MBNL1: variants seen among roughly 807,000 people sequenced by gnomAD.
MBNL1 encodes muscleblind-like protein 1.
In MBNL1, 8 loss-of-function variants were observed where a neutral mutation model predicts 42.2. The observed-to-expected ratio is 0.19, with a 90% CI of 0.11 to 0.34. The LOEUF (loss-of-function observed/expected upper bound fraction) is 0.34. Among genes scored for constraint, MBNL1 ranks in the 10% least tolerant of loss-of-function variants. The pLI is 1.00. For missense variants in MBNL1, 309 were observed against 495.3 expected (o/e 0.62, Z 3.57); for synonymous variants, 169 against 173.9 (o/e 0.97, Z 0.22).
chr3:152,297,654 A>G (rs1229800895), intron 1 of MBNL1, among the ~76,000 whole-genome samples: 3 of 151,592 alleles, frequency 2.0e-5, no homozygotes, highest in Admixed American at 2.0e-4. Context: ...GTGCCCAGCC[A>G]TGGGTTTTTT....
intron 2 of MBNL1, chr3:152,340,561 A>T (rs753198183): frequency 1.2e-5 from 20 of 1,613,158 alleles, no homozygotes; most frequent in Non-Finnish European, 1.6e-5. Flanking sequence ...AGACATAGCT[A>T]CAACTGACAG....
At chr3:152,254,630 C>T (rs537169651) in intron 2 of MBNL1, among the ~76,000 whole-genome samples, 2 of 152,024 alleles carry the variant, frequency 1.3e-5, no homozygotes, top group Non-Finnish European at 1.5e-5. Context: ...AATTCTTTTT[C>T]TTGTACATCC....
chr3:152,424,434 A>G (rs1322432504), intron 3 of MBNL1, among the ~76,000 whole-genome samples: 1 of 152,228 alleles, frequency 6.6e-6, no homozygotes, highest in Non-Finnish European at 1.5e-5. Flanking sequence ...GGACACAAGC[A>G]AATGGAAAAA....
chr3:152,390,645 A>ACACACACACT (rs753471201), intron 2 of MBNL1, among the ~76,000 whole-genome samples: 17 of 150,310 alleles, frequency 1.1e-4, no homozygotes, highest in Non-Finnish European at 1.5e-4. Context: ...ACACACACAC[A>ACACACACACT]CTCTGATATA....
intron 2 of MBNL1, among the ~76,000 whole-genome samples, chr3:152,314,727 A>G (rs2069524844): frequency 6.6e-6 from 1 of 152,238 alleles, no homozygotes; most frequent in Admixed American, 6.5e-5. Context: ...TGAGACTTTT[A>G]ACATCATTAG....
chr3:152,335,200 G>A, intron 2 of MBNL1: 1 of 1,289,786 alleles, frequency 7.8e-7, no homozygotes, highest in Non-Finnish European at 1.0e-6. Context: ...ATCTATGGAA[G>A]ATAAAGCATG....
At chr3:152,412,925 G>A (rs1164920854) in intron 2 of MBNL1, among the ~76,000 whole-genome samples, 1 of 152,164 alleles carries the variant, frequency 6.6e-6, no homozygotes, top group Non-Finnish European at 1.5e-5. Context: ...TCCAGTTTTA[G>A]TAAGAACTAT....
At chr3:152,442,569 G>A (rs967533584) in intron 4 of MBNL1, among the ~76,000 whole-genome samples, 1 of 152,116 alleles carries the variant, frequency 6.6e-6, no homozygotes, top group African/African-American at 2.4e-5. Flanking sequence ...GATTAAATTT[G>A]TGAAATGTTG....
rs1748489115 is a variant in MBNL1 at position 152,463,296 on chromosome 3, T to C, written c.*930T>C. 6.6e-6 allele frequency: 1 copy of C among 152,016 alleles called. No individual in the cohort carries two copies. The highest frequency in any genetic ancestry group is 2.4e-5 in the African/African-American group (1 of 41,372). The allele number at this position is 152,016 out of a possible 1,614,324, so 9.4% of individuals were successfully genotyped here. A position where few individuals can be genotyped will look rare whatever the true frequency, so the allele number is the denominator to read the frequency against. On this transcript the variant is annotated 3_prime_UTR_variant, in exon 10 of 10. Transcript: ENST00000324210. ...ATATATATAAAATTATTTTAATGCA[T>C]TGTAGTGTAATATTTATGCATACTA...
At chr3:152,416,530 G>A (rs575743727) in intron 3 of MBNL1, among the ~76,000 whole-genome samples, 2 of 152,308 alleles carry the variant, frequency 1.3e-5, no homozygotes, top group Non-Finnish European at 2.9e-5. Context: ...GATCAGACAA[G>A]TCTTTAGGGT....
chr3:152,286,438 T>TTAGATTTTATTTATAATATAAA (rs2052047653), intron 1 of MBNL1, among the ~76,000 whole-genome samples: 1 of 100,874 alleles, frequency 9.9e-6, no homozygotes, highest in African/African-American at 3.8e-5. Context: ...ATATAAATAT[T>TTAGATTTTATTTATAATATAAA]TATATTTTAT....
At chr3:152,301,267 C>A (rs1016075855) in intron 2 of MBNL1, among the ~76,000 whole-genome samples, 1 of 152,112 alleles carries the variant, frequency 6.6e-6, no homozygotes, top group Non-Finnish European at 1.5e-5. Context: ...TTTTGACACA[C>A]AAGGTCAAGA....
chr3:152,443,180 ACCCC>A (rs34456724), intron 4 of MBNL1, among the ~76,000 whole-genome samples: 1 of 142,542 alleles, frequency 7.0e-6, no homozygotes, highest in Non-Finnish European at 1.5e-5. Context: ...ACCTGTAGAA[ACCCC>A]CCCCCCCACA....
At chr3:152,313,968 C>G (rs140412280) in intron 2 of MBNL1, among the ~76,000 whole-genome samples, 3 of 152,250 alleles carry the variant, frequency 2.0e-5, no homozygotes, top group African/African-American at 4.8e-5. Flanking sequence ...GTTAGCAAAT[C>G]TAAATTCATT....
chr3:152,427,786 TAA>T (rs200984979), intron 3 of MBNL1, among the ~76,000 whole-genome samples: 1 of 150,478 alleles, frequency 6.6e-6, no homozygotes, highest in Non-Finnish European at 1.5e-5. Flanking sequence ...ATTTAAAAAT[TAA>T]AAAAATTTTT....
rs1001365908 is a variant in MBNL1 at position 152,338,574 on chromosome 3, C to A, written c.174+38207C>A. 7 of 985,296 alleles carry A rather than the reference C, an allele frequency of 7.1e-6. No homozygotes were observed. In the South Asian group the frequency reaches 2.3e-4, roughly 33 times the overall value. The allele number at this position is 985,296 out of a possible 1,614,324, so 61.0% of individuals were successfully genotyped here. A position where few individuals can be genotyped will look rare whatever the true frequency, so the allele number is the denominator to read the frequency against. ...GTGGTAGCAGCAGGTGTTGGGATTT[C>A]TCCAAGCCCCTAAGACTCTGGGAGG... On this transcript the variant is annotated intron_variant, in intron 2 of 9. Coordinates refer to ENST00000324210, the MANE Select transcript of MBNL1 (RefSeq NM_021038.5).
chr3:152,456,018 A>G (rs1732951437), intron 7 of MBNL1, among the ~76,000 whole-genome samples: 1 of 151,902 alleles, frequency 6.6e-6, no homozygotes, highest in Non-Finnish European at 1.5e-5. Context: ...GTTTGTGTCA[A>G]TTTTCTTGAT....
intron 2 of MBNL1, among the ~76,000 whole-genome samples, chr3:152,408,770 C>T (rs1025850889): frequency 4.6e-5 from 7 of 151,970 alleles, no homozygotes; most frequent in African/African-American, 1.5e-4. Context: ...TCCCTCCTCC[C>T]CGCCAAGACA....
rs1273293015 is a variant in MBNL1 at position 152,462,990 on chromosome 3, T to G, written c.*624T>G. Reference sequence around the variant, plus strand: ...ACAACTGTGTATATTTTAAAGCACATCATGGCTTTAAGTACCATGTTGTTA... The same window carrying G: ...ACAACTGTGTATATTTTAAAGCACAGCATGGCTTTAAGTACCATGTTGTTA... On this transcript the variant is annotated 3_prime_UTR_variant, in exon 10 of 10. Transcript: ENST00000324210. 1 of 152,502 alleles carries G rather than the reference T, an allele frequency of 6.6e-6. No homozygotes were observed. The highest frequency in any genetic ancestry group is 2.4e-5 in the African/African-American group (1 of 41,426). The allele number at this position is 152,502 out of a possible 1,614,324, so 9.4% of individuals were successfully genotyped here. A position where few individuals can be genotyped will look rare whatever the true frequency, so the allele number is the denominator to read the frequency against.
Sources: allele counts gnomAD v4.1 joint callset (sites outside exome capture counted in the v4.1 genomes callset), GRCh38; gene constraint gnomAD v4.1.1; transcripts MANE v1.5; gene names NCBI Gene and HGNC (gene_info 2026-07-23, HGNC 2026-07-21).